PROSER2: variants seen among roughly 807,000 people sequenced by gnomAD.
PROSER2 encodes the protein proline and serine rich 2, also known as proline and serine-rich protein 2.
PROSER2 carries 18 observed loss-of-function variants against 14.6 expected under a neutral mutation model. The ratio of observed to expected loss-of-function variants is 1.23; its 90% CI spans 0.85 to 1.83. The LOEUF is 1.83. Ranked by LOEUF, PROSER2 falls within the 40% of genes most tolerant of loss-of-function variation. The probability of loss-of-function intolerance (pLI) is 0.00; values close to 1 mark genes in which losing one functional copy is unlikely to be tolerated. For synonymous variants in PROSER2, 367 were observed against 286.4 expected (o/e 1.28, Z -2.84); for missense variants, 823 against 629.8 (o/e 1.31, Z -3.28).
chr10:11,826,323 T>TA (rs1199278299), intron 1 of PROSER2, among the ~76,000 whole-genome samples: 1 of 152,232 alleles, frequency 6.6e-6, no homozygotes, highest in African/African-American at 2.4e-5. Flanking sequence ...TTGTGAATAG[T>TA]ACTGCTATGA....
chr10:11,828,018 T>C (rs1417478051), intron 1 of PROSER2, among the ~76,000 whole-genome samples: 1 of 152,024 alleles, frequency 6.6e-6, no homozygotes, highest in African/African-American at 2.4e-5. Context: ...TACATTTTAT[T>C]TTTTTTAATT....
intron 1 of PROSER2, among the ~76,000 whole-genome samples, chr10:11,828,016 AT>A (rs939925460): frequency 7.3e-5 from 11 of 151,716 alleles, no homozygotes; most frequent in East Asian, 1.9e-4. Context: ...ATTACATTTT[AT>A]TTTTTTTAAT....
chr10:11,829,003 A>G (rs937836683), intron 1 of PROSER2, among the ~76,000 whole-genome samples: 6 of 152,146 alleles, frequency 3.9e-5, no homozygotes, highest in African/African-American at 1.4e-4. Flanking sequence ...TTAGGCCAAC[A>G]TGGTGGAATT....
At chr10:11,841,001 GGTT>G (rs1833839247) in intron 1 of PROSER2, among the ~76,000 whole-genome samples, 2 of 119,810 alleles carry the variant, frequency 1.7e-5, no homozygotes, top group African/African-American at 6.5e-5. Context: ...TGATGGTGGG[GGTT>G]GTTTTTCTCT....
In PROSER2 at chr10:11,870,628, T is replaced by G. The variant is rs1834468272; in HGVS notation, c.*222T>G. On this transcript the variant is annotated 3_prime_UTR_variant, in exon 4 of 4. Coordinates refer to ENST00000277570, the MANE Select transcript of PROSER2 (RefSeq NM_153256.4). ...CAGAGAACTCTTCCCTAAAGGAATC[T>G]GGCCGAGGGCTTGTCTCCCTTTTCC... is the stretch of plus-strand genomic sequence containing the variant. 2.2e-6 allele frequency: 1 copy of G among 460,016 alleles called. No homozygotes were observed. The highest frequency in any genetic ancestry group is 2.1e-5 in the African/African-American group (1 of 48,356). The allele number at this position is 460,016 out of a possible 1,614,324, so 28.5% of individuals were successfully genotyped here.
chr10:11,869,723 G>A lies in PROSER2; in HGVS notation c.625G>A (p.Glu209Lys), dbSNP rs1220031568. 6.3e-7 allele frequency: 1 copy of A among 1,592,444 alleles called. No individual in the cohort carries two copies. Among genetic ancestry groups the A allele is most frequent in the Non-Finnish European group, 8.5e-7 (1 of 1,170,558 alleles). ...GATTTCCGAGAGGATGGCGGGGAAC[G>A]AAGCCCTCTCGCCCACCTCCCCGTT... ...QKISERMAGNEALSPTSPFRE... is the reference protein window; with the variant it reads ...QKISERMAGNKALSPTSPFRE... The change falls in exon 4 of 4, where the codon GAA becomes AAA. Residue 209 changes from glutamate (E) to lysine (K), a missense_variant. By Grantham distance (56) the Glu-to-Lys change is moderately conservative. Transcript: ENST00000277570. This position sits in a 1 kb window ranked among gnomAD's most constrained non-coding sequence, Gnocchi z 4.4.
intron 1 of PROSER2, among the ~76,000 whole-genome samples, chr10:11,848,595 T>A (rs1299179068): frequency 6.6e-6 from 1 of 152,166 alleles, no homozygotes; most frequent in African/African-American, 2.4e-5. Context: ...CTTTCTAAAC[T>A]GTAAGTGGGT....
chr10:11,854,312 T>A (rs930914010), intron 2 of PROSER2, among the ~76,000 whole-genome samples: 27 of 152,230 alleles, frequency 1.8e-4, no homozygotes, highest in African/African-American at 6.5e-4. Context: ...AGTGGTTTTC[T>A]GTTGTTTTTG....
chr10:11,824,233 A>G (rs1833580836), intron 1 of PROSER2, among the ~76,000 whole-genome samples: 2 of 152,204 alleles, frequency 1.3e-5, no homozygotes, highest in South Asian at 4.1e-4. Context: ...TGAGTGAAGG[A>G]AAATGAGTGT....
intron 1 of PROSER2, among the ~76,000 whole-genome samples, chr10:11,848,729 A>G (rs1833964722): frequency 2.0e-5 from 3 of 152,054 alleles, no homozygotes; most frequent in Admixed American, 6.5e-5. Flanking sequence ...ACCTCTCTCT[A>G]CCTGTTTTGC....
Position 11,843,458 on chromosome 10 carries a change from C to T in PROSER2, c.-81-8539C>T, listed in dbSNP as rs187646406. On this transcript the variant is annotated intron_variant, in intron 1 of 3. Transcript: ENST00000277570. ...ATCCCAGCACTTTGGGAGGCCAAGG[C>T]GGGCAGATCATGAGGTCAAGAGATC... 5.9e-3 allele frequency among the ~76,000 whole-genome samples: 891 copies of T among 151,262 alleles called. 9 individuals carry two copies. Among genetic ancestry groups the T allele is most frequent in the African/African-American group, 0.021 (855 of 41,264 alleles).
Position 11,829,058 on chromosome 10 carries a change from G to C in PROSER2, c.-82+5588G>C, listed in dbSNP as rs527961706. Among the ~76,000 whole-genome samples the C allele has an allele frequency of 3.3e-5, 5 of 152,202 alleles. No homozygotes were observed. The South Asian group carries it at 8.3e-4, about 25-fold the overall frequency. ...CGCAAGGGGTTAGCCTTCCAGTCGG[G>C]GGCATGGACCAGCGAAGCTTTCTGA... On this transcript the variant is annotated intron_variant, in intron 1 of 3. Transcript: ENST00000277570.
Position 11,870,471 on chromosome 10 carries a change from G to T in PROSER2, c.*65G>T. 1 of 1,269,482 alleles carries T rather than the reference G, an allele frequency of 7.9e-7. No homozygotes were observed. The highest frequency in any genetic ancestry group is 1.0e-6 in the Non-Finnish European group (1 of 963,478). 78.6% of individuals were successfully genotyped at this position (1,269,482 alleles called of 1,614,324 possible). ...CTGAAGAGAGGGTGAAAGAGTCGCT[G>T]CACCCAGGAGCTGTTTGGTCTAAAA... is the stretch of plus-strand genomic sequence containing the variant. On this transcript the variant is annotated 3_prime_UTR_variant, in exon 4 of 4. Transcript: ENST00000277570.
chr10:11,869,305 G>A lies in PROSER2; in HGVS notation c.392-185G>A. The A allele has an allele frequency of 1.6e-6, 1 of 613,880 alleles. No homozygotes were observed. The highest frequency in any genetic ancestry group is 2.9e-6 in the Non-Finnish European group (1 of 342,772). 38.0% of individuals were successfully genotyped at this position (613,880 alleles called of 1,614,324 possible). A position where few individuals can be genotyped will look rare whatever the true frequency, so the allele number is the denominator to read the frequency against. On this transcript the variant is annotated intron_variant, in intron 3 of 3. Coordinates refer to ENST00000277570, the MANE Select transcript of PROSER2 (RefSeq NM_153256.4). This position sits in a 1 kb window ranked among gnomAD's most constrained non-coding sequence, Gnocchi z 4.4. ...GTCCCTTATCAGCGTGAGGTCATGA[G>A]CATGACATACCACCTTCTCCTTCCC...
At chr10:11,827,420 G>A (rs1473880195) in intron 1 of PROSER2, among the ~76,000 whole-genome samples, 2 of 152,170 alleles carry the variant, frequency 1.3e-5, no homozygotes, top group African/African-American at 2.4e-5. Flanking sequence ...TATAGGGCTC[G>A]GTTTGTATAT....
intron 1 of PROSER2, among the ~76,000 whole-genome samples, chr10:11,827,636 G>A (rs1833634027): frequency 1.3e-5 from 2 of 151,470 alleles, no homozygotes; most frequent in African/African-American, 4.8e-5. Flanking sequence ...CACGTACAAT[G>A]TGCCAAGCTG....
chr10:11,869,771 T>C lies in PROSER2; in HGVS notation c.673T>C (p.Trp225Arg). The change falls in exon 4 of 4, where the codon TGG (tryptophan) becomes CGG (arginine). Residue 225 changes from tryptophan (W) to arginine (R), a missense_variant. Physicochemically the swap from Trp to Arg is moderately radical, Grantham distance 101 (BLOSUM62 -3). Coordinates refer to ENST00000277570, the MANE Select transcript of PROSER2 (RefSeq NM_153256.4). This position sits in a 1 kb window ranked among gnomAD's most constrained non-coding sequence, Gnocchi z 4.4. ...GTTCAGGGAGGGCCGGCCCGGGGAG[T>C]GGAGGACACCTGCCGCCCGGGGGCC... The part of the protein sequence containing the change: ...SPFREGRPGE[W>R]RTPAARGPRS... 6.4e-7 allele frequency: 1 copy of C among 1,563,806 alleles called. No homozygotes were observed. Among genetic ancestry groups the C allele is most frequent in the Non-Finnish European group, 8.6e-7 (1 of 1,156,838 alleles).
At chr10:11,863,534 T>TC (rs1280758969) in intron 2 of PROSER2, among the ~76,000 whole-genome samples, 4 of 124,760 alleles carry the variant, frequency 3.2e-5, no homozygotes, top group South Asian at 5.3e-4. Context: ...AGTGAAACCA[T>TC]CCCCCCCACA....
rs1393887987 is a variant in PROSER2, at chr10:11,871,698, T to C, written c.*1292T>C. On this transcript the variant is annotated 3_prime_UTR_variant, in exon 4 of 4. Coordinates refer to ENST00000277570, the MANE Select transcript of PROSER2 (RefSeq NM_153256.4). ...TCAAAACTATTTAAGGCTGGAGTCT[T>C]AGACCTCTAAAAATAGACAGGAAGG... The C allele has an allele frequency of 2.0e-5, 3 of 152,234 alleles. No homozygotes were observed. Among genetic ancestry groups the C allele is most frequent in the Non-Finnish European group, 2.9e-5 (2 of 68,030 alleles). 9.4% of individuals were successfully genotyped at this position (152,234 alleles called of 1,614,324 possible).
Sources: allele counts gnomAD v4.1 joint callset (sites outside exome capture counted in the v4.1 genomes callset), GRCh38; gene constraint gnomAD v4.1.1; non-coding constraint Gnocchi (gnomAD v3.1); transcripts MANE v1.5; gene names NCBI Gene and HGNC (gene_info 2026-07-23, HGNC 2026-07-21).